PERM1: variants seen among roughly 807,000 people sequenced by gnomAD.
The protein encoded by PERM1 is PPARGC1 and ESRR induced regulator, muscle 1, also known as PGC-1 and ERR-induced regulator in muscle protein 1.
A neutral mutation model predicts 44.1 loss-of-function variants in PERM1; 45 were observed. The ratio of observed to expected loss-of-function variants is 1.02; its 90% CI spans 0.80 to 1.31. The LOEUF (loss-of-function observed/expected upper bound fraction) is 1.31. Ranked by LOEUF, PERM1 falls within the 50% of genes most tolerant of loss-of-function variation. The pLI is 0.00. For synonymous variants in PERM1, 565 were observed against 477.1 expected (o/e 1.18, Z -2.40); for missense variants, 1,189 against 1,106.9 (o/e 1.07, Z -1.05).
At chr1:978,921 T>G (rs770092392) in exon 1 of PERM1, 1 of 1,506,152 alleles carries the variant, frequency 6.6e-7, no homozygotes, top group Non-Finnish European at 8.9e-7. Context: ...CTACCACGGC[T>G]GGCTTGAGGG....
exon 1 of PERM1, chr1:980,343 C>G: frequency 3.2e-6 from 5 of 1,550,244 alleles, no homozygotes; most frequent in Non-Finnish European, 4.4e-6. Context: ...CAGGACCTGG[C>G]CCCAACTCCT....
Position 979,652 on chromosome 1 carries a change from G to A in PERM1, c.1378C>T (p.Pro460Ser), listed in dbSNP as rs573197477. ...TCAGGCCCAGCTCTGCGGGTGGGAGGCCAGGCGAGGCCAGCGGCGTCGGCT... is the reference window on the plus strand; with the variant it reads ...TCAGGCCCAGCTCTGCGGGTGGGAGACCAGGCGAGGCCAGCGGCGTCGGCT... The change falls in exon 1 of 3, where the codon CCT (proline) becomes TCT (serine). Residue 460 changes from proline (P) to serine (S), a missense_variant. This residue lies in a region of PERM1 where 900 missense variants were observed against 760.4 expected (regional missense o/e 1.18). Transcript: ENST00000433179. 4 of 1,550,278 alleles carry A rather than the reference G, an allele frequency of 2.6e-6. No individual in the cohort carries two copies. The South Asian group carries it at 3.6e-5, about 14-fold the overall frequency.
intron 1 of PERM1, among the ~76,000 whole-genome samples, chr1:978,334 C>T (rs370479801): frequency 2.0e-5 from 3 of 151,020 alleles, no homozygotes; most frequent in Non-Finnish European, 4.4e-5. Context: ...CCCGAAACCC[C>T]TCTGTCATGG....
intron 2 of PERM1, 84 bp downstream of exon 3, chr1:976,415 G>A (rs1305370422): frequency 1.1e-5 from 17 of 1,540,184 alleles, no homozygotes; most frequent in South Asian, 8.4e-5. Context: ...GGTGAGCCCC[G>A]GGGCCCCCGT....
intron 1 of PERM1, 29 bp downstream of exon 2, chr1:978,852 G>A (rs1435424602): frequency 6.9e-7 from 1 of 1,448,108 alleles, no homozygotes; most frequent in East Asian, 2.5e-5. Flanking sequence ...CTGGGATCTG[G>A]ACGGGCTGTG....
At position 976,545 on chromosome 1, in the gene PERM1, C is replaced by T. The variant is rs756691915; in HGVS notation, c.2229G>A (p.Trp743Ter). Residue 743 changes from tryptophan (W) to a stop codon, truncating the protein, a stop_gained, in exon 2 of 3, where the codon TGG (tryptophan) becomes TGA (stop). Coordinates refer to ENST00000433179, the Ensembl canonical transcript of PERM1. LOFTEE classifies it high-confidence loss of function. ...TATGCGGATCTGACGTCCTCACAGC[C>T]CAGGTGGCAAAAGCTACAAACACCA... 3 of 1,549,458 alleles carry T rather than the reference C, an allele frequency of 1.9e-6. No homozygotes were observed. The South Asian group carries it at 3.6e-5, about 18-fold the overall frequency.
intron 1 of PERM1, 37 bp from the exon 3 acceptor site, chr1:976,661 C>A: frequency 1.3e-6 from 2 of 1,548,100 alleles, no homozygotes; most frequent in South Asian, 1.2e-5. Context: ...CACGGCTGCA[C>A]TCAGAGATGG....
chr1:981,046 C>T, upstream of PERM1: 1 of 1,542,060 alleles, frequency 6.5e-7, no homozygotes, highest in South Asian at 1.2e-5. Flanking sequence ...TCAGCAGAGG[C>T]ACTGGAGGGT....
At chr1:981,297 T>G, upstream of PERM1, 1 of 949,942 alleles carries the variant, frequency 1.1e-6, no homozygotes, top group Non-Finnish European at 1.5e-6. Flanking sequence ...CCCCAAATGA[T>G]AGCTGTGTGA....
exon 1 of PERM1, chr1:979,675 G>C (rs1196727388): frequency 3.3e-5 from 51 of 1,550,134 alleles, no homozygotes; most frequent in Non-Finnish European, 4.4e-5. Flanking sequence ...AGCGGCGTCG[G>C]CTCTGGGAAC....
exon 3 of PERM1, chr1:976,053 C>A (rs946879138): frequency 7.9e-6 from 8 of 1,009,246 alleles, no homozygotes; most frequent in Non-Finnish European, 1.1e-5. Context: ...GACACGCCCC[C>A]CTCCTGGACG....
At chr1:979,023 C>G (rs1198724714) in exon 1 of PERM1, 3 of 1,538,016 alleles carry the variant, frequency 2.0e-6, no homozygotes, top group South Asian at 2.4e-5. Flanking sequence ...CGCCCTCAAG[C>G]CTGTCCTCCC....
intron 1 of PERM1, 134 bp downstream of exon 2, chr1:978,747 T>G: frequency 1.3e-6 from 1 of 792,480 alleles, no homozygotes; most frequent in East Asian, 3.0e-5. Flanking sequence ...GACTGGGGGC[T>G]GGTCCCCAGG....
chr1:981,623 C>T (rs1325070343), upstream of PERM1, among the ~76,000 whole-genome samples: 6 of 152,332 alleles, frequency 3.9e-5, no homozygotes, highest in Middle Eastern at 3.4e-3. Context: ...CTTGGCTGGG[C>T]CAGGCTATTC....
At chr1:979,458 C>A in exon 1 of PERM1, 1 of 1,546,730 alleles carries the variant, frequency 6.5e-7, no homozygotes, top group African/African-American at 1.4e-5. Context: ...GGGCTGAGGG[C>A]CGGGCTGAGG....
At chr1:976,261 C>A in exon 3 of PERM1, 1 of 1,519,990 alleles carries the variant, frequency 6.6e-7, no homozygotes, top group South Asian at 1.3e-5. Context: ...CCGACGTTGG[C>A]CAGCAAGGCT....
exon 2 of PERM1, chr1:976,573 C>A: frequency 6.5e-7 from 1 of 1,549,596 alleles, no homozygotes; most frequent in Non-Finnish European, 8.7e-7. Flanking sequence ...AAACACCAGG[C>A]ACATGTCATT....
At chr1:978,349 G>A (rs1409706187) in intron 1 of PERM1, among the ~76,000 whole-genome samples, 2 of 148,534 alleles carry the variant, frequency 1.3e-5, no homozygotes, top group Non-Finnish European at 3.0e-5. Context: ...TCATGGACAC[G>A]TCTTCCTGAG....
intron 2 of PERM1, 92 bp from the exon 4 acceptor site, chr1:976,361 G>C (rs1011247939): frequency 2.9e-4 from 424 of 1,477,826 alleles, no homozygotes; most frequent in Non-Finnish European, 3.6e-4. Flanking sequence ...GGGCAAGGTC[G>C]GTGCGGCCAG....
Sources: allele counts gnomAD v4.1 joint callset (sites outside exome capture counted in the v4.1 genomes callset), GRCh38; gene constraint gnomAD v4.1.1; regional missense constraint gnomAD v4.1.1; transcripts MANE v1.5; gene names NCBI Gene and HGNC (gene_info 2026-07-23, HGNC 2026-07-21).